Variants in SFMBT1 observed in about 807,000 individuals in gnomAD.
SFMBT1 encodes scm-like with four MBT domains protein 1.
In SFMBT1, 32 loss-of-function variants were observed where a neutral mutation model predicts 108.7. The observed-to-expected ratio is 0.29, with a 90% CI of 0.22 to 0.40. The LOEUF (loss-of-function observed/expected upper bound fraction) is 0.40. SFMBT1 is among the 10% of genes least tolerant of loss of function. The probability of loss-of-function intolerance (pLI) is 1.00; values close to 1 mark genes in which losing one functional copy is unlikely to be tolerated. For synonymous variants in SFMBT1, 348 were observed against 369.5 expected (o/e 0.94, Z 0.67); for missense variants, 816 against 1,059.6 (o/e 0.77, Z 3.19).
Position 52,928,240 on chromosome 3 carries a change from G to C in SFMBT1, c.999C>G (p.Phe333Leu). ...CATTCTTCAGACTCCACTGCACAGG[G>C]AAGATGCCAGGACTGTCGGCGTGGC... ...FVCHADSPGI[F>L]PVQWSLKNGL... is the part of the protein sequence containing the mutation. The change falls in exon 9 of 21, where the codon TTC becomes TTG. Residue 333 changes from phenylalanine (F) to leucine (L), a missense_variant. Physicochemically the swap from Phe to Leu is conservative, Grantham distance 22 (BLOSUM62 0). Coordinates refer to ENST00000394752, the MANE Select transcript of SFMBT1 (RefSeq NM_016329.4). The C allele has an allele frequency of 6.2e-7, 1 of 1,614,076 alleles. No individual in the cohort carries two copies.
At position 52,961,692 on chromosome 3, in the gene SFMBT1, C is replaced by T. The variant is rs185120823; in HGVS notation, c.29-7281G>A. Among the ~76,000 whole-genome samples the T allele has an allele frequency of 2.0e-5, 3 of 152,238 alleles. No individual in the cohort carries two copies. The East Asian group carries it at 5.8e-4, about 29-fold the overall frequency. ...ACATGATTGTTTGTTGTAGTCTTTT[C>T]CATAGTTTTAATGTATTTGAAATGT... On this transcript the variant is annotated intron_variant, in intron 2 of 20. Coordinates refer to ENST00000394752, the MANE Select transcript of SFMBT1 (RefSeq NM_016329.4).
chr3:53,019,396 A>G (rs1699229895), intron 1 of SFMBT1, among the ~76,000 whole-genome samples: 1 of 149,200 alleles, frequency 6.7e-6, no homozygotes, highest in Admixed American at 6.8e-5. Flanking sequence ...TGGGGGGGGT[A>G]TATGTGTGAA....
At chr3:52,994,531 G>A (rs1484183938) in intron 1 of SFMBT1, among the ~76,000 whole-genome samples, 1 of 150,280 alleles carries the variant, frequency 6.7e-6, no homozygotes, top group African/African-American at 2.4e-5. Context: ...ACGGAGTCTC[G>A]CTCTGTGGCC....
intron 13 of SFMBT1, 106 bp from the exon 14 acceptor site, chr3:52,916,320 G>A (rs908261032): frequency 1.3e-5 from 11 of 871,292 alleles, no homozygotes; most frequent in East Asian, 2.7e-5. Context: ...TGGCATGTTC[G>A]CAAAATCTGT....
At chr3:52,919,392 A>T (rs1702452073) in intron 12 of SFMBT1, among the ~76,000 whole-genome samples, 1 of 152,248 alleles carries the variant, frequency 6.6e-6, no homozygotes, top group Admixed American at 6.5e-5. Flanking sequence ...ATGAACTCTG[A>T]GAGCAGTACA....
At chr3:53,009,920 G>A (rs1475383110) in intron 1 of SFMBT1, among the ~76,000 whole-genome samples, 1 of 152,160 alleles carries the variant, frequency 6.6e-6, no homozygotes, top group Non-Finnish European at 1.5e-5. Flanking sequence ...ACACTGAGTA[G>A]GCTGAAAAGG....
At chr3:53,015,429 A>C (rs1699093400) in intron 1 of SFMBT1, among the ~76,000 whole-genome samples, 1 of 152,202 alleles carries the variant, frequency 6.6e-6, no homozygotes, top group African/African-American at 2.4e-5. Flanking sequence ...TTCCACTCCT[A>C]GGTATATACC....
At chr3:53,001,927 A>T (rs12715455) in intron 1 of SFMBT1, among the ~76,000 whole-genome samples, 4,108 of 49,812 alleles carry the variant, frequency 0.082, 284 homozygotes, top group East Asian at 0.13. Flanking sequence ...CCAGTCTCTC[A>T]CACACACACA....
intron 1 of SFMBT1, among the ~76,000 whole-genome samples, chr3:53,024,356 C>A (rs1029274330): frequency 2.0e-5 from 3 of 149,898 alleles, no homozygotes; most frequent in Non-Finnish European, 4.4e-5. Flanking sequence ...GAAGAGCATT[C>A]CAGGCGAGGG....
At chr3:52,907,783 ACCTCAAAAC>A in intron 17 of SFMBT1, 50 bp from the exon 18 acceptor site, 1 of 1,511,056 alleles carries the variant, frequency 6.6e-7, no homozygotes, top group Non-Finnish European at 9.0e-7. Flanking sequence ...ATTTTTGTGT[ACCTCAAAAC>A]CACAAGAGAT....
chr3:52,939,671 G>A (rs1218775443), intron 4 of SFMBT1, among the ~76,000 whole-genome samples: 1 of 152,100 alleles, frequency 6.6e-6, no homozygotes, highest in African/African-American at 2.4e-5. Context: ...TCTACTGCAG[G>A]TATGTTAAAT....
At chr3:52,980,730 G>C (rs980032876) in intron 1 of SFMBT1, among the ~76,000 whole-genome samples, 1 of 151,596 alleles carries the variant, frequency 6.6e-6, no homozygotes, top group African/African-American at 2.4e-5. Flanking sequence ...CAAAAACCTC[G>C]CATTTTGTGT....
chr3:52,989,089 TTTC>T (rs147934459), intron 1 of SFMBT1, among the ~76,000 whole-genome samples: 52,798 of 151,854 alleles, frequency 0.35, 10,203 homozygotes, highest in East Asian at 0.54. Context: ...CTCTTCCTGA[TTTC>T]TTTTCTCCAC....
intron 13 of SFMBT1, among the ~76,000 whole-genome samples, chr3:52,916,581 A>G (rs1274515515): frequency 6.6e-6 from 1 of 151,604 alleles, no homozygotes; most frequent in African/African-American, 2.4e-5. Context: ...AGGGAGGAGA[A>G]TGGCGTGAAC....
At chr3:52,985,881 G>C (rs1174074192) in intron 1 of SFMBT1, among the ~76,000 whole-genome samples, 1 of 152,096 alleles carries the variant, frequency 6.6e-6, no homozygotes, top group Non-Finnish European at 1.5e-5. Flanking sequence ...GGTGGCTCAC[G>C]CCTGTAATCC....
intron 1 of SFMBT1, among the ~76,000 whole-genome samples, chr3:53,002,634 A>C (rs1463052557): frequency 6.7e-6 from 1 of 149,654 alleles, no homozygotes; most frequent in Non-Finnish European, 1.5e-5. Flanking sequence ...AGGGTGCTAA[A>C]CTCACAGTCC....
intron 6 of SFMBT1, among the ~76,000 whole-genome samples, chr3:52,931,737 G>A (rs1036759641): frequency 2.0e-5 from 3 of 152,114 alleles, no homozygotes; most frequent in African/African-American, 7.2e-5. Flanking sequence ...CTACTGGGGA[G>A]GCTGAGGCAC....
intron 1 of SFMBT1, among the ~76,000 whole-genome samples, chr3:53,013,613 ATCTTTTTTTTT>A (rs1381540822): frequency 5.1e-5 from 6 of 116,876 alleles, no homozygotes; most frequent in Non-Finnish European, 8.9e-5. Context: ...TTTATAAAGA[ATCTTTTTTTTT>A]TTTTTTTTTT....
chr3:52,948,549 T>A (rs1703455119), intron 3 of SFMBT1, among the ~76,000 whole-genome samples: 1 of 152,004 alleles, frequency 6.6e-6, no homozygotes, highest in South Asian at 2.1e-4. Flanking sequence ...AGTGACTCTC[T>A]CATTACATGA....
Sources: gnomAD v4.1 joint callset for allele counts (sites outside exome capture counted in the v4.1 genomes callset) on GRCh38, gnomAD v4.1.1 for gene constraint, MANE v1.5 for transcripts, NCBI Gene and HGNC (gene_info 2026-07-23, HGNC 2026-07-21) for gene names.